Variants in GABRG3 observed in about 807,000 individuals in gnomAD.
The protein encoded by GABRG3 is gamma-aminobutyric acid receptor subunit gamma-3.
Under a neutral mutation model 48.8 loss-of-function variants are expected in GABRG3, and 25 were observed. That is an observed-to-expected ratio of 0.51 (90% CI 0.37 to 0.72). The LOEUF is 0.72. Among genes scored for constraint, GABRG3 ranks in the 30% least tolerant of loss-of-function variants. GABRG3 has a pLI of 0.00. For synonymous variants in GABRG3, 227 were observed against 217.6 expected, an observed-to-expected ratio of 1.04 and a Z score of -0.38; for missense variants, 394 against 577.9, an observed-to-expected ratio of 0.68 and a Z score of 3.26.
intron 5 of GABRG3, chr15:27,363,584 T>G (rs1233394319): frequency 1.3e-5 from 2 of 152,050 alleles, no homozygotes; most frequent in African/African-American, 4.8e-5. Context: ...GGGTGCAGGA[T>G]TCAGCAGAGG....
intron 3 of GABRG3, among the ~76,000 whole-genome samples, chr15:27,171,415 A>G (rs1403481923): frequency 6.6e-6 from 1 of 151,876 alleles, no homozygotes; most frequent in East Asian, 1.9e-4. Context: ...AGATGCCCTC[A>G]TTGAGTCACT....
intron 6 of GABRG3, among the ~76,000 whole-genome samples, chr15:27,503,183 G>A (rs1028912677): frequency 4.6e-5 from 7 of 152,190 alleles, no homozygotes; most frequent in Non-Finnish European, 8.8e-5. Context: ...TCAATTATTA[G>A]CACACAAAAC....
intron 5 of GABRG3, 34 bp from the exon 6 acceptor site, chr15:27,480,616 C>T (rs1170310192): frequency 1.3e-6 from 2 of 1,534,430 alleles, no homozygotes; most frequent in Non-Finnish European, 8.9e-7. Flanking sequence ...TAAATGTGTA[C>T]CTTCAAGTGC....
At chr15:27,247,855 G>C (rs919436380) in intron 3 of GABRG3, among the ~76,000 whole-genome samples, 1 of 152,096 alleles carries the variant, frequency 6.6e-6, no homozygotes, top group African/African-American at 2.4e-5. Context: ...AACAGTATGG[G>C]GGAAACTGCC....
chr15:27,129,128 G>A lies in GABRG3; in HGVS notation c.270+102307G>A, dbSNP rs1183642709. On this transcript the variant is annotated intron_variant, in intron 3 of 9. Coordinates refer to ENST00000615808, the MANE Select transcript of GABRG3 (RefSeq NM_033223.5). ...CAGTGTCATTAAGAACATTCAGATT[G>A]TTGTGCTATTATCACCACTGTTCAG... 2.0e-5 allele frequency among the ~76,000 whole-genome samples: 3 copies of A among 152,100 alleles called. No individual in the cohort carries two copies. In the East Asian group the frequency reaches 5.8e-4, roughly 29 times the overall value.
intron 5 of GABRG3, among the ~76,000 whole-genome samples, chr15:27,377,755 A>G (rs1373329797): frequency 2.6e-5 from 4 of 152,348 alleles, no homozygotes; most frequent in South Asian, 2.1e-4. Context: ...GAGCAGCACC[A>G]TCTACATGGA....
At chr15:27,361,011 T>C (rs1277605363) in intron 5 of GABRG3, among the ~76,000 whole-genome samples, 3 of 152,114 alleles carry the variant, frequency 2.0e-5, no homozygotes, top group Non-Finnish European at 2.9e-5. Context: ...AGGGAGATGG[T>C]AAAGGACTGA....
chr15:27,015,446 G>A (rs201073513), intron 2 of GABRG3, among the ~76,000 whole-genome samples: 142 of 146,660 alleles, frequency 9.7e-4, no homozygotes, highest in African/African-American at 3.4e-3. Flanking sequence ...GTGCAGTGGC[G>A]CAATCTCGGC....
At chr15:27,271,621 A>G (rs1467333328) in intron 3 of GABRG3, 2 of 455,916 alleles carry the variant, frequency 4.4e-6, no homozygotes, top group Non-Finnish European at 4.4e-6. Flanking sequence ...CAAACATGGC[A>G]GGAAAATAAG....
chr15:27,298,150 C>G (rs1892066973), intron 3 of GABRG3, among the ~76,000 whole-genome samples: 1 of 152,022 alleles, frequency 6.6e-6, no homozygotes, highest in South Asian at 2.1e-4. Context: ...ATTAAACAAT[C>G]CAGTCAAAGG....
intron 3 of GABRG3, among the ~76,000 whole-genome samples, chr15:27,146,690 G>T (rs1397087821): frequency 6.6e-6 from 1 of 152,048 alleles, no homozygotes; most frequent in Non-Finnish European, 1.5e-5. Flanking sequence ...CAAAATTTTT[G>T]AATATTGTTA....
At chr15:27,030,200 G>T (rs1896059253) in intron 3 of GABRG3, among the ~76,000 whole-genome samples, 1 of 152,188 alleles carries the variant, frequency 6.6e-6, no homozygotes, top group Admixed American at 6.5e-5. Context: ...GACCGTAAAG[G>T]TAAAGCCTGG....
At chr15:27,181,726 G>C (rs1887938234) in intron 3 of GABRG3, among the ~76,000 whole-genome samples, 1 of 152,132 alleles carries the variant, frequency 6.6e-6, no homozygotes, top group Non-Finnish European at 1.5e-5. Flanking sequence ...TCCTGTGAGT[G>C]ATGGTAGGAA....
chr15:27,031,514 A>G (rs1295333770), intron 3 of GABRG3, among the ~76,000 whole-genome samples: 6 of 152,228 alleles, frequency 3.9e-5, no homozygotes, highest in Non-Finnish European at 7.3e-5. Flanking sequence ...GAGCCACTGT[A>G]ATGTGACTAT....
At chr15:27,097,902 C>T (rs1897291618) in intron 3 of GABRG3, among the ~76,000 whole-genome samples, 1 of 149,802 alleles carries the variant, frequency 6.7e-6, no homozygotes, top group Non-Finnish European at 1.5e-5. Flanking sequence ...AGCCTGCTGT[C>T]ATTATTAGCT....
intron 3 of GABRG3, among the ~76,000 whole-genome samples, chr15:27,089,150 G>T (rs1897141728): frequency 6.6e-6 from 1 of 152,234 alleles, no homozygotes; most frequent in Non-Finnish European, 1.5e-5. Flanking sequence ...GACCAGACTT[G>T]TGGGTGCAAA....
At chr15:27,281,524 G>A (rs966057273) in intron 3 of GABRG3, among the ~76,000 whole-genome samples, 3 of 150,982 alleles carry the variant, frequency 2.0e-5, no homozygotes, top group Admixed American at 6.6e-5. Context: ...TTTTTAGGGG[G>A]TATATCTTTT....
chr15:27,022,302 CTCT>C (rs1895910152), intron 2 of GABRG3, among the ~76,000 whole-genome samples: 1 of 152,172 alleles, frequency 6.6e-6, no homozygotes, highest in African/African-American at 2.4e-5. Context: ...CAGGCTTCTT[CTCT>C]TCTTCTTATG....
At chr15:27,080,291 T>G (rs962786830) in intron 3 of GABRG3, among the ~76,000 whole-genome samples, 1 of 67,216 alleles carries the variant, frequency 1.5e-5, no homozygotes, top group African/African-American at 5.8e-5. Context: ...CTCTAATAAG[T>G]AAATAAATAA....
Sources: allele counts gnomAD v4.1 joint callset (sites outside exome capture counted in the v4.1 genomes callset), GRCh38; gene constraint gnomAD v4.1.1; transcripts MANE v1.5; gene names NCBI Gene and HGNC (gene_info 2026-07-23, HGNC 2026-07-21).